The following PHC2 variants were observed in gnomAD, a reference collection of about 807,000 sequenced individuals.
PHC2 encodes polyhomeotic homolog 2.
PHC2 carries 29 observed loss-of-function variants against 87.4 expected under a neutral mutation model. That is an observed-to-expected ratio of 0.33 (90% CI 0.25 to 0.45). The LOEUF is 0.45. Ranked by LOEUF, PHC2 falls within the 20% of genes least tolerant of loss-of-function variation. The probability of loss-of-function intolerance (pLI) is 1.00; values close to 1 mark genes in which losing one functional copy is unlikely to be tolerated. For missense variants in PHC2, 857 were observed against 1,136.7 expected, an observed-to-expected ratio of 0.75 and a Z score of 3.54; for synonymous variants, 438 against 461.7, an observed-to-expected ratio of 0.95 and a Z score of 0.66.
chr1:33,346,030 T>C, intron 9 of PHC2: 1 of 985,430 alleles, frequency 1.0e-6, no homozygotes, highest in Non-Finnish European at 1.2e-6. Flanking sequence ...GTTTAAACCA[T>C]GCCCTAAAAA....
At chr1:33,384,225 C>T (rs1338256855) in intron 1 of PHC2, among the ~76,000 whole-genome samples, 2 of 152,196 alleles carry the variant, frequency 1.3e-5, no homozygotes, top group Non-Finnish European at 2.9e-5. Context: ...TTCAGACCTA[C>T]GGAATCAGAA....
chr1:33,408,243 T>C (rs1649841529), intron 1 of PHC2, among the ~76,000 whole-genome samples: 1 of 152,190 alleles, frequency 6.6e-6, no homozygotes, highest in South Asian at 2.1e-4. Flanking sequence ...TTTTGTCACA[T>C]CACGTCAGAA....
At position 33,367,182 on chromosome 1, in the gene PHC2, T is replaced by A; in HGVS notation, c.910A>T (p.Met304Leu). Residue 304 changes from methionine to leucine, a missense_variant, in exon 7 of 15, where the codon ATG becomes TTG. Met to Leu is a conservative substitution (Grantham distance 15). Around this residue, in one of 3 missense-constraint regions of PHC2, gnomAD observed 832 missense variants for 1,081.8 expected, o/e 0.77. Coordinates refer to ENST00000683057, the MANE Select transcript of PHC2 (RefSeq NM_001385109.1). ...GDGNSSVPGS[M>L]EGRAGLSRTV... ...CGGCTGAGCCCAGCCCGGCCTTCCA[T>A]GCTCCCTGGCACACTGCTGTTGCCA... is the stretch of plus-strand genomic sequence containing the variant. The A allele has an allele frequency of 6.2e-7, 1 of 1,614,184 alleles. No homozygotes were observed. Among genetic ancestry groups the A allele is most frequent in the South Asian group, 1.1e-5 (1 of 91,074 alleles).
intron 13 of PHC2, 46 bp from the exon 14 acceptor site, chr1:33,329,192 T>C (rs1179040368): frequency 1.3e-6 from 2 of 1,583,516 alleles, no homozygotes; most frequent in South Asian, 2.2e-5. Context: ...AAACCATCTC[T>C]AGCAGCAGTG....
intron 9 of PHC2, chr1:33,350,503 A>G (rs762333797): frequency 3.9e-5 from 6 of 152,284 alleles, no homozygotes; most frequent in Non-Finnish European, 8.8e-5. Context: ...TGTCGTGGCG[A>G]AGCATACTCA....
Position 33,324,862 on chromosome 1 carries a change from GC to G in PHC2, c.*2del, listed in dbSNP as rs781478343. 40 of 1,610,742 alleles carry G rather than the reference GC, an allele frequency of 2.5e-5. No homozygotes were observed. In the Admixed American group the frequency reaches 6.7e-4, roughly 27 times the overall value. The stretch of plus-strand genomic sequence containing the variant: ...TGGGCCAGAATCCTGGCTGCCACCA[GC>G]CCTAGGAGTCCTTGAGCATGCTGAT... On this transcript the variant is annotated 3_prime_UTR_variant, in exon 15 of 15. Coordinates refer to ENST00000683057, the MANE Select transcript of PHC2 (RefSeq NM_001385109.1).
chr1:33,331,466 A>G lies in PHC2; in HGVS notation c.1892-4T>C, dbSNP rs764361990. 2 of 1,536,368 alleles carry G rather than the reference A, an allele frequency of 1.3e-6. No homozygotes were observed. The highest frequency in any genetic ancestry group is 1.8e-6 in the Non-Finnish European group (2 of 1,110,604). ...GGAGCACCCTCCTCTTTGGATTCTGAAAAGTATAGAAATGGGTAGGGTGGA... is the reference window on the plus strand; with the variant it reads ...GGAGCACCCTCCTCTTTGGATTCTGGAAAGTATAGAAATGGGTAGGGTGGA... On this transcript the variant is annotated splice_polypyrimidine_tract_variant and splice_region_variant and intron_variant, in intron 11 of 14. Transcript: ENST00000683057. This position sits in a 1 kb window ranked among gnomAD's most constrained non-coding sequence, Gnocchi z 5.2.
chr1:33,347,361 G>A, intron 9 of PHC2: 1 of 985,428 alleles, frequency 1.0e-6, no homozygotes, highest in Non-Finnish European at 1.2e-6. Context: ...GGAGAATGAT[G>A]ACTGTGACAG....
intron 7 of PHC2, among the ~76,000 whole-genome samples, chr1:33,360,965 C>T (rs557497342): frequency 6.6e-5 from 10 of 152,280 alleles, no homozygotes; most frequent in South Asian, 6.2e-4. Context: ...TCAGTAAGGA[C>T]GAGCGAGTAC....
intron 1 of PHC2, among the ~76,000 whole-genome samples, chr1:33,419,298 T>A (rs1650332660): frequency 6.6e-6 from 1 of 152,226 alleles, no homozygotes; most frequent in Non-Finnish European, 1.5e-5. Flanking sequence ...TAGTCCCTTG[T>A]TGCTGCCATA....
chr1:33,350,168 C>T (rs1284002572), intron 9 of PHC2, among the ~76,000 whole-genome samples: 2 of 151,986 alleles, frequency 1.3e-5, no homozygotes, highest in Admixed American at 6.5e-5. Context: ...CGCCTTGGAC[C>T]GTTCACTCCC....
chr1:33,395,288 G>A lies in PHC2; in HGVS notation c.-54-19695C>T, dbSNP rs187787269. 5.0e-4 allele frequency among the ~76,000 whole-genome samples: 76 copies of A among 152,280 alleles called. 1 individual carries two copies. Among genetic ancestry groups the A allele is most frequent in the African/African-American group, 1.8e-3 (73 of 41,566 alleles). ...AAATCAGAGCAGTGGTTGCCTCTGT[G>A]GGGTACGGGGTGGGGAATGGCTGGG... is the stretch of plus-strand genomic sequence containing the variant. On this transcript the variant is annotated intron_variant, in intron 1 of 14. Transcript: ENST00000683057.
At chr1:33,371,347 C>G (rs145497212) in intron 3 of PHC2, among the ~76,000 whole-genome samples, 1 of 78,522 alleles carries the variant, frequency 1.3e-5, no homozygotes, top group Admixed American at 2.1e-4. Context: ...ACTGAGCACT[C>G]CAACTATTAG....
intron 14 of PHC2, among the ~76,000 whole-genome samples, chr1:33,326,577 G>A (rs898935601): frequency 1.3e-5 from 2 of 152,172 alleles, no homozygotes; most frequent in Non-Finnish European, 2.9e-5. Flanking sequence ...TCTGGGTGTG[G>A]TTTTTGTCTA....
Position 33,375,569 on chromosome 1 carries a change from C to A in PHC2, c.-30G>T. 6.9e-7 allele frequency: 1 copy of A among 1,453,404 alleles called. No individual in the cohort carries two copies. Among genetic ancestry groups the A allele is most frequent in the South Asian group, 1.5e-5 (1 of 68,558 alleles). The allele number at this position is 1,453,404 out of a possible 1,614,324, so 90.0% of individuals were successfully genotyped here. ...TGCAGTGTGGCGCAGTCAGGGCGCTCGGATGGCAGAAGGGCAGGCAGATGC... is the reference window on the plus strand; with the variant it reads ...TGCAGTGTGGCGCAGTCAGGGCGCTAGGATGGCAGAAGGGCAGGCAGATGC... On this transcript the variant is annotated 5_prime_UTR_variant, in exon 2 of 15. Coordinates refer to ENST00000683057, the MANE Select transcript of PHC2 (RefSeq NM_001385109.1).
At position 33,368,023 on chromosome 1, in the gene PHC2, C is replaced by G. The variant is rs150495437; in HGVS notation, c.663+513G>C. On this transcript the variant is annotated intron_variant, in intron 6 of 14. Transcript: ENST00000683057. This position sits in a 1 kb window ranked among gnomAD's most constrained non-coding sequence, Gnocchi z 6.6. The stretch of plus-strand genomic sequence containing the variant: ...CCCTGTCCCATCACCCTCCCCATTC[C>G]GTAGATGAGGATGGGGAGATGCGAG... 6.6e-6 allele frequency among the ~76,000 whole-genome samples: 1 copy of G among 152,172 alleles called. No individual in the cohort carries two copies. The highest frequency in any genetic ancestry group is 1.5e-5 in the Non-Finnish European group (1 of 68,024).
chr1:33,382,193 T>C lies in PHC2; in HGVS notation c.-54-6600A>G, dbSNP rs1648527621. On this transcript the variant is annotated intron_variant, in intron 1 of 14. Coordinates refer to ENST00000683057, the MANE Select transcript of PHC2 (RefSeq NM_001385109.1). This position sits in a 1 kb window ranked among gnomAD's most constrained non-coding sequence, Gnocchi z 4.3. Reference sequence around the variant, plus strand: ...ACTTTTTTTTCTACAGTTCCCCTTTTTGAACCAGAGCTTTCATATCTCCCC... The same window carrying C: ...ACTTTTTTTTCTACAGTTCCCCTTTCTGAACCAGAGCTTTCATATCTCCCC... Among the ~76,000 whole-genome samples, 1 of 152,146 alleles carries C rather than the reference T, an allele frequency of 6.6e-6. No individual in the cohort carries two copies. Among genetic ancestry groups the C allele is most frequent in the Admixed American group, 6.5e-5 (1 of 15,276 alleles).
At chr1:33,359,902 AAGG>A (rs1647163730) in intron 7 of PHC2, among the ~76,000 whole-genome samples, 1 of 152,182 alleles carries the variant, frequency 6.6e-6, no homozygotes, top group Admixed American at 6.5e-5. Flanking sequence ...AGGAGTCAGA[AAGG>A]AGGCAGTTTT....
Position 33,349,206 on chromosome 1 carries a change from T to C in PHC2, c.1558+5195A>G, listed in dbSNP as rs182741497. On this transcript the variant is annotated intron_variant, in intron 9 of 14. Coordinates refer to ENST00000683057, the MANE Select transcript of PHC2 (RefSeq NM_001385109.1). The surrounding 1 kb of genome is among the most constrained non-coding windows in gnomAD (Gnocchi z 4.2). The stretch of plus-strand genomic sequence containing the variant: ...AGCGAAGCCGCAGGCGCCTCCAAGA[T>C]AGGGAGTCCACCACCAATAAAGTAC... 22 of 975,490 alleles carry C rather than the reference T, an allele frequency of 2.3e-5. 1 individual carries two copies. In the East Asian group the frequency reaches 9.1e-4, roughly 40 times the overall value. The allele number at this position is 975,490 out of a possible 1,614,324, so 60.4% of individuals were successfully genotyped here. A position where few individuals can be genotyped will look rare whatever the true frequency, so the allele number is the denominator to read the frequency against.
Sources: allele counts gnomAD v4.1 joint callset (sites outside exome capture counted in the v4.1 genomes callset), GRCh38; gene constraint gnomAD v4.1.1; regional missense constraint gnomAD v4.1.1; non-coding constraint Gnocchi (gnomAD v3.1); transcripts MANE v1.5; gene names NCBI Gene and HGNC (gene_info 2026-07-23, HGNC 2026-07-21).